The following GLE1 variants were observed in gnomAD, a reference collection of about 807,000 sequenced individuals.
GLE1 encodes the protein GLE1 RNA export mediator, also known as mRNA export factor GLE1.
Under a neutral mutation model 97.3 loss-of-function variants are expected in GLE1, and 78 were observed. The observed-to-expected ratio is 0.80, with a 90% confidence interval of 0.67 to 0.97. The LOEUF (loss-of-function observed/expected upper bound fraction) is 0.97. Ranked by LOEUF, GLE1 falls within the 50% of genes least tolerant of loss-of-function variation. The pLI is 0.00. For synonymous variants in GLE1, 302 were observed against 313.4 expected (o/e 0.96, Z 0.39); for missense variants, 753 against 857.5 (o/e 0.88, Z 1.52).
At chr9:128,530,865 C>T (rs1847477838) in intron 9 of GLE1, among the ~76,000 whole-genome samples, 2 of 147,666 alleles carry the variant, frequency 1.4e-5, no homozygotes, top group Non-Finnish European at 3.0e-5. Flanking sequence ...GCCGAGATAG[C>T]ACCACTGCAC....
chr9:128,536,708 A>G (rs1847722524), intron 12 of GLE1: 1 of 485,688 alleles, frequency 2.1e-6, no homozygotes, highest in East Asian at 4.1e-5. Flanking sequence ...AGAGTCTACC[A>G]GAGGAGAGTC....
chr9:128,527,040 T>C (rs980426151), intron 7 of GLE1, 139 bp from the exon 8 acceptor site: 4 of 682,852 alleles, frequency 5.9e-6, no homozygotes, highest in Non-Finnish European at 1.1e-5. Flanking sequence ...AAAATGGAGA[T>C]AATAATAGTA....
At chr9:128,536,698 A>G (rs550640212) in intron 12 of GLE1, 1 of 500,562 alleles carries the variant, frequency 2.0e-6, no homozygotes, top group Admixed American at 3.1e-5. Context: ...GTTTTGTAAC[A>G]GAGTCTACCA....
intron 11 of GLE1, among the ~76,000 whole-genome samples, chr9:128,534,650 A>T (rs1198926230): frequency 1.3e-5 from 2 of 152,120 alleles, no homozygotes; most frequent in Non-Finnish European, 2.9e-5. Flanking sequence ...GATGATGGAT[A>T]TGAGTGCTTG....
At chr9:128,528,673 A>G (rs1027072422) in intron 9 of GLE1, among the ~76,000 whole-genome samples, 1 of 152,196 alleles carries the variant, frequency 6.6e-6, no homozygotes, top group African/African-American at 2.4e-5. Context: ...TTGAAGTTGC[A>G]GTTTACTGCT....
intron 3 of GLE1, 56 bp from the exon 4 acceptor site, chr9:128,522,612 G>T: frequency 6.6e-7 from 1 of 1,521,444 alleles, no homozygotes; most frequent in Non-Finnish European, 8.8e-7. Context: ...ACTCCAGCCT[G>T]GCGACAGAGA....
intron 9 of GLE1, among the ~76,000 whole-genome samples, chr9:128,529,199 C>G (rs766921467): frequency 2.3e-4 from 35 of 152,204 alleles, no homozygotes; most frequent in Non-Finnish European, 2.9e-5. Flanking sequence ...GACAGCCACT[C>G]CACACCTCGA....
chr9:128,516,771 C>T (rs918158936), intron 3 of GLE1, among the ~76,000 whole-genome samples: 2 of 151,936 alleles, frequency 1.3e-5, no homozygotes, highest in Non-Finnish European at 2.9e-5. Flanking sequence ...ATTACAGGCG[C>T]CTGCCACCAC....
chr9:128,527,995 CTTT>C (rs1165193901), intron 9 of GLE1, among the ~76,000 whole-genome samples: 2 of 121,758 alleles, frequency 1.6e-5, no homozygotes, highest in African/African-American at 6.6e-5. Context: ...TTTTTTTTTT[CTTT>C]TTTTCTTTTT....
intron 3 of GLE1, among the ~76,000 whole-genome samples, chr9:128,517,028 G>T (rs1429139845): frequency 6.6e-6 from 1 of 152,022 alleles, no homozygotes; most frequent in Non-Finnish European, 1.5e-5. Flanking sequence ...GGAGGCTCAT[G>T]CCCGTAATCC....
intron 6 of GLE1, 109 bp downstream of exon 6, chr9:128,523,955 A>G (rs1847227707): frequency 2.9e-6 from 3 of 1,018,964 alleles, no homozygotes; most frequent in Non-Finnish European, 4.5e-6. Flanking sequence ...TTATTGGGGG[A>G]AATACCAAAC....
chr9:128,540,401 A>C (rs1847852053), intron 15 of GLE1, 63 bp downstream of exon 15: 2 of 1,039,732 alleles, frequency 1.9e-6, no homozygotes, highest in African/African-American at 1.6e-5. Context: ...CCTATGTCTG[A>C]CAAGTCTTGG....
At chr9:128,505,370 A>G (rs1846611426) in intron 1 of GLE1, among the ~76,000 whole-genome samples, 1 of 152,132 alleles carries the variant, frequency 6.6e-6, no homozygotes, top group African/African-American at 2.4e-5. Flanking sequence ...AGCATTTGCA[A>G]AGCTCTGCGC....
intron 9 of GLE1, among the ~76,000 whole-genome samples, chr9:128,533,159 C>T (rs544610679): frequency 1.1e-4 from 17 of 151,980 alleles, no homozygotes; most frequent in Non-Finnish European, 7.4e-5. Context: ...CATGGTGGCT[C>T]ACGCCTGTAA....
chr9:128,514,591 CGCCACCATGCCTAGGCACGT>C (rs1259895237), intron 2 of GLE1, among the ~76,000 whole-genome samples: 2 of 151,760 alleles, frequency 1.3e-5, no homozygotes, highest in African/African-American at 4.8e-5. Flanking sequence ...TACAGGCGCC[CGCCACCATGCCTAGGCACGT>C]GCCACCATGC....
intron 9 of GLE1, among the ~76,000 whole-genome samples, chr9:128,531,974 A>G (rs1847526156): frequency 6.6e-6 from 1 of 151,436 alleles, no homozygotes; most frequent in South Asian, 2.1e-4. Context: ...TCCTACCTAG[A>G]GAGGTATGGA....
chr9:128,530,115 C>A (rs1169889430), intron 9 of GLE1, among the ~76,000 whole-genome samples: 1 of 152,126 alleles, frequency 6.6e-6, no homozygotes, highest in Admixed American at 6.5e-5. Context: ...TCTTATCCTG[C>A]AGTTCTTTTC....
intron 7 of GLE1, among the ~76,000 whole-genome samples, chr9:128,526,414 T>C (rs567769373): frequency 1.3e-5 from 2 of 151,852 alleles, no homozygotes; most frequent in African/African-American, 4.8e-5. Context: ...TGGAGTGCAA[T>C]GGCACAATCT....
chr9:128,529,752 C>A (rs151117426), intron 9 of GLE1, among the ~76,000 whole-genome samples: 1 of 151,802 alleles, frequency 6.6e-6, no homozygotes, highest in Non-Finnish European at 1.5e-5. Context: ...TCTTCTACCC[C>A]ACTCTAATTG....
Sources: allele counts gnomAD v4.1 joint callset (sites outside exome capture counted in the v4.1 genomes callset), GRCh38; gene constraint gnomAD v4.1.1; transcripts MANE v1.5; gene names NCBI Gene and HGNC (gene_info 2026-07-23, HGNC 2026-07-21).